Variants in ACOX2 observed in about 807,000 individuals in gnomAD.
The protein encoded by ACOX2 is acyl-CoA oxidase 2, also known as peroxisomal acyl-coenzyme A oxidase 2.
ACOX2 carries 59 observed loss-of-function variants against 77.5 expected under a neutral mutation model. That is an observed-to-expected ratio of 0.76 (90% CI 0.62 to 0.95). The LOEUF (loss-of-function observed/expected upper bound fraction) is 0.95. Among genes scored for constraint, ACOX2 ranks in the 40% least tolerant of loss-of-function variants. The pLI is 0.00. For synonymous variants in ACOX2, 317 were observed against 340.1 expected, an observed-to-expected ratio of 0.93 and a Z score of 0.75; for missense variants, 837 against 880.4, an observed-to-expected ratio of 0.95 and a Z score of 0.62.
At chr3:58,518,075 C>CAAAAAAAAAAAAAAAAAAA (rs763535906) in intron 12 of ACOX2, among the ~76,000 whole-genome samples, 2 of 47,674 alleles carry the variant, frequency 4.2e-5, no homozygotes, top group African/African-American at 1.1e-4. Context: ...AACTCCATCT[C>CAAAAAAAAAAAAAAAAAAA]AAAAAAAAAA....
In ACOX2 at chr3:58,536,260, A is replaced by G. The variant is rs561779946; in HGVS notation, c.-92+859T>C. ...TAGGGACAAGTTCTTATTTGCTTAC[A>G]TGTTCCTCCCACAAGGCCTGGGAGG... On this transcript the variant is annotated intron_variant, in intron 1 of 14. Transcript: ENST00000302819. Among the ~76,000 whole-genome samples, 10 of 152,158 alleles carry G rather than the reference A, an allele frequency of 6.6e-5. No homozygotes were observed. In the South Asian group the frequency reaches 1.7e-3, roughly 25 times the overall value.
In ACOX2 at chr3:58,531,203, G is replaced by T; in HGVS notation, c.819+48C>A. 1 of 1,559,870 alleles carries T rather than the reference G, an allele frequency of 6.4e-7. No homozygotes were observed. The highest frequency in any genetic ancestry group is 8.8e-7 in the Non-Finnish European group (1 of 1,137,994). ...CAGGCCCAGCCTGCACAAAGCGCAG[G>T]TCCCCTCTCCAGGAAGTACAAGTCC... On this transcript the variant is annotated intron_variant, in intron 7 of 14. Coordinates refer to ENST00000302819, the MANE Select transcript of ACOX2 (RefSeq NM_003500.4). The surrounding 1 kb of genome is among the most constrained non-coding windows in gnomAD (Gnocchi z 5.8).
At position 58,522,164 on chromosome 3, in the gene ACOX2, G is replaced by T. The variant is rs915607543; in HGVS notation, c.1632+332C>A. Among the ~76,000 whole-genome samples the T allele has an allele frequency of 1.3e-5, 2 of 152,226 alleles. No homozygotes were observed. The highest frequency in any genetic ancestry group is 2.9e-5 in the Non-Finnish European group (2 of 68,034). Reference sequence around the variant, plus strand: ...TGTGAATTATGCAGAAACACAAAACGAGTGGAAATGGAATCAGACATCCAA... The same window carrying T: ...TGTGAATTATGCAGAAACACAAAACTAGTGGAAATGGAATCAGACATCCAA... On this transcript the variant is annotated intron_variant, in intron 12 of 14. Coordinates refer to ENST00000302819, the MANE Select transcript of ACOX2 (RefSeq NM_003500.4). The surrounding 1 kb of genome is among the most constrained non-coding windows in gnomAD (Gnocchi z 4.3).
Position 58,515,116 on chromosome 3 carries a change from C to T in ACOX2, c.1850+2090G>A, listed in dbSNP as rs776378429. Among the ~76,000 whole-genome samples the T allele has an allele frequency of 6.6e-5, 10 of 152,094 alleles. No homozygotes were observed. The highest frequency in any genetic ancestry group is 1.2e-4 in the African/African-American group (5 of 41,408). On this transcript the variant is annotated intron_variant, in intron 13 of 14. Transcript: ENST00000302819. This position sits in a 1 kb window ranked among gnomAD's most constrained non-coding sequence, Gnocchi z 4.0. ...TTGGCTCACGGCAGCCTCTGCCTCCCGGGTTCAAGCGATTCTGCCTCAGCC... is the reference window on the plus strand; with the variant it reads ...TTGGCTCACGGCAGCCTCTGCCTCCTGGGTTCAAGCGATTCTGCCTCAGCC...
Position 58,532,681 on chromosome 3 carries a change from G to A in ACOX2, c.583+764C>T, listed in dbSNP as rs547945904. On this transcript the variant is annotated intron_variant, in intron 5 of 14. Transcript: ENST00000302819. ...ATTATAGGCATGAGCCACCGCACCCGGCTCATGTCTCTCTCTTATGTCTCT... is the reference window on the plus strand; with the variant it reads ...ATTATAGGCATGAGCCACCGCACCCAGCTCATGTCTCTCTCTTATGTCTCT... Among the ~76,000 whole-genome samples the A allele has an allele frequency of 8.5e-5, 13 of 152,136 alleles. No homozygotes were observed. The South Asian group carries it at 1.9e-3, about 22-fold the overall frequency.
At chr3:58,510,254 G>A (rs62259859) in intron 13 of ACOX2, among the ~76,000 whole-genome samples, 10,838 of 151,950 alleles carry the variant, frequency 0.071, 586 homozygotes, top group Non-Finnish European at 0.1. Flanking sequence ...GAGCCCTACC[G>A]CCAATTTAAT....
At position 58,533,674 on chromosome 3, in the gene ACOX2, G is replaced by T. The variant is rs2063457134; in HGVS notation, c.476-122C>A. 2 of 852,356 alleles carry T rather than the reference G, an allele frequency of 2.3e-6. No homozygotes were observed. The highest frequency in any genetic ancestry group is 3.4e-5 in the African/African-American group (2 of 58,866). 52.8% of individuals were successfully genotyped at this position (852,356 alleles called of 1,614,324 possible). A position where few individuals can be genotyped will look rare whatever the true frequency, so the allele number is the denominator to read the frequency against. Reference sequence around the variant, plus strand: ...AGTATGGAGTGGGGCCCAGCTCCCAGCTGTACTTGCAGGCAGTTCTCCCCT... The same window carrying T: ...AGTATGGAGTGGGGCCCAGCTCCCATCTGTACTTGCAGGCAGTTCTCCCCT... On this transcript the variant is annotated intron_variant, in intron 4 of 14. Coordinates refer to ENST00000302819, the MANE Select transcript of ACOX2 (RefSeq NM_003500.4). This position sits in a 1 kb window ranked among gnomAD's most constrained non-coding sequence, Gnocchi z 5.6.
rs182185584 is a variant in ACOX2 at position 58,528,364 on chromosome 3, A to G, written c.1155+430T>C. ...AAGTGGCATTTAAAGTGCATTTTAT[A>G]TAATAGCCCCAGTGGGGTTTGGGGC... On this transcript the variant is annotated intron_variant, in intron 9 of 14. Coordinates refer to ENST00000302819, the MANE Select transcript of ACOX2 (RefSeq NM_003500.4). This position sits in a 1 kb window ranked among gnomAD's most constrained non-coding sequence, Gnocchi z 5.6. Among the ~76,000 whole-genome samples, 97 of 152,336 alleles carry G rather than the reference A, an allele frequency of 6.4e-4. No homozygotes were observed. The highest frequency in any genetic ancestry group is 2.2e-3 in the African/African-American group (92 of 41,574).
chr3:58,518,937 G>A (rs541007299), intron 12 of ACOX2, among the ~76,000 whole-genome samples: 13 of 150,672 alleles, frequency 8.6e-5, no homozygotes, highest in East Asian at 6.2e-4. Flanking sequence ...TCTGGACCCC[G>A]CCCTGCCTCT....
At chr3:58,532,337 G>A (rs1396943688) in intron 5 of ACOX2, among the ~76,000 whole-genome samples, 1 of 151,442 alleles carries the variant, frequency 6.6e-6, no homozygotes, top group Non-Finnish European at 1.5e-5. Context: ...CTCTCTTTCT[G>A]TCATCACTCT....
intron 12 of ACOX2, among the ~76,000 whole-genome samples, 188 bp from the exon 13 acceptor site, chr3:58,517,611 GT>G (rs111345604): frequency 3.5e-4 from 49 of 141,386 alleles, no homozygotes; most frequent in East Asian, 1.1e-3. Flanking sequence ...ATATGTGTGT[GT>G]TGGGGGGGGG....
In ACOX2 at chr3:58,531,732, C is replaced by G. The variant is rs1260798646; in HGVS notation, c.664G>C (p.Val222Leu). Reference protein sequence around the residue: ...GARRGMHAFIVPIRSLQDHTP... With the variant: ...GARRGMHAFILPIRSLQDHTP... Reference sequence around the variant, plus strand: ...TGGTCCTGAAGACTCCGGATTGGCACAATAAAAGCGTGCATGCCCCGCCTG... The same window carrying G: ...TGGTCCTGAAGACTCCGGATTGGCAGAATAAAAGCGTGCATGCCCCGCCTG... The change falls in exon 6 of 15, where the codon GTG (valine) becomes CTG (leucine). Residue 222 changes from valine to leucine, a missense_variant. By Grantham distance (32) the Val-to-Leu change is conservative. Transcript: ENST00000302819. This position sits in a 1 kb window ranked among gnomAD's most constrained non-coding sequence, Gnocchi z 5.8. The G allele has an allele frequency of 6.2e-7, 1 of 1,614,086 alleles. No homozygotes were observed. The highest frequency in any genetic ancestry group is 1.7e-5 in the Admixed American group (1 of 60,006).
Position 58,531,987 on chromosome 3 carries a change from G to A in ACOX2, c.584-175C>T, listed in dbSNP as rs1577001030. ...GAACCAAGCAAACCTAGCAGCGTTG[G>A]CAAAGGCACTGTGAAATGATCCAGC... is the stretch of plus-strand genomic sequence containing the variant. On this transcript the variant is annotated intron_variant, in intron 5 of 14. Coordinates refer to ENST00000302819, the MANE Select transcript of ACOX2 (RefSeq NM_003500.4). This position sits in a 1 kb window ranked among gnomAD's most constrained non-coding sequence, Gnocchi z 5.8. 6.6e-6 allele frequency among the ~76,000 whole-genome samples: 1 copy of A among 152,166 alleles called. No individual in the cohort carries two copies. Among genetic ancestry groups the A allele is most frequent in the East Asian group, 1.9e-4 (1 of 5,196 alleles).
rs2063468201 is a variant in ACOX2, at chr3:58,534,707, G to T, written c.161-185C>A. 1 of 1,446,598 alleles carries T rather than the reference G, an allele frequency of 6.9e-7. No homozygotes were observed. Among genetic ancestry groups the T allele is most frequent in the Admixed American group, 2.0e-5 (1 of 51,204 alleles). The allele number at this position is 1,446,598 out of a possible 1,614,324, so 89.6% of individuals were successfully genotyped here. On this transcript the variant is annotated intron_variant, in intron 2 of 14. Transcript: ENST00000302819. This position sits in a 1 kb window ranked among gnomAD's most constrained non-coding sequence, Gnocchi z 4.8. Reference sequence around the variant, plus strand: ...CCCAAGGTTACAAAGCTATGCAGTGGCAGAATTTTAGGACCAGAATCCAGG... The same window carrying T: ...CCCAAGGTTACAAAGCTATGCAGTGTCAGAATTTTAGGACCAGAATCCAGG...
chr3:58,523,976 C>A lies in ACOX2; in HGVS notation c.1526+450G>T, dbSNP rs1324544646. 6.6e-6 allele frequency among the ~76,000 whole-genome samples: 1 copy of A among 152,036 alleles called. No homozygotes were observed. Among genetic ancestry groups the A allele is most frequent in the African/African-American group, 2.4e-5 (1 of 41,378 alleles). On this transcript the variant is annotated intron_variant, in intron 11 of 14. Transcript: ENST00000302819. The surrounding 1 kb of genome is among the most constrained non-coding windows in gnomAD (Gnocchi z 5.3). ...CCATGTTCCCTGGAGCCTACTAGAC[C>A]CTGGAAATAAATGAATTCTATCCCG...
In ACOX2 at chr3:58,534,609, C is replaced by G. The variant is rs764576540; in HGVS notation, c.161-87G>C. ...CTTCTCACCCACTTGCTTCATGGAT[C>G]TGGAAAGGAAGTCAGACATTATTGT... is the stretch of plus-strand genomic sequence containing the variant. On this transcript the variant is annotated intron_variant, in intron 2 of 14. Coordinates refer to ENST00000302819, the MANE Select transcript of ACOX2 (RefSeq NM_003500.4). This position sits in a 1 kb window ranked among gnomAD's most constrained non-coding sequence, Gnocchi z 4.8. The G allele has an allele frequency of 6.2e-7, 1 of 1,607,940 alleles. No homozygotes were observed. Among genetic ancestry groups the G allele is most frequent in the Non-Finnish European group, 8.5e-7 (1 of 1,178,312 alleles).
chr3:58,511,998 T>G (rs920881750), intron 13 of ACOX2, among the ~76,000 whole-genome samples: 19 of 152,322 alleles, frequency 1.2e-4, no homozygotes, highest in Non-Finnish European at 2.8e-4. Flanking sequence ...CCTTGTGATG[T>G]TCTTCTCAAG....
chr3:58,511,350 C>G (rs2063286356), intron 13 of ACOX2: 1 of 368,814 alleles, frequency 2.7e-6, no homozygotes, highest in Non-Finnish European at 5.3e-6. Flanking sequence ...GGTGCTGGTC[C>G]TGGCTGGATG....
Position 58,505,629 on chromosome 3 carries a change from A to G in ACOX2, c.1984-343T>C, listed in dbSNP as rs1364758803. Among the ~76,000 whole-genome samples, 1 of 152,226 alleles carries G rather than the reference A, an allele frequency of 6.6e-6. No homozygotes were observed. Among genetic ancestry groups the G allele is most frequent in the Non-Finnish European group, 1.5e-5 (1 of 68,044 alleles). On this transcript the variant is annotated intron_variant, in intron 14 of 14. Coordinates refer to ENST00000302819, the MANE Select transcript of ACOX2 (RefSeq NM_003500.4). The surrounding 1 kb of genome is among the most constrained non-coding windows in gnomAD (Gnocchi z 4.4). ...CAAAGCAAGGAACCAGATAGGGATC[A>G]TATAAGCAGTATTCTAGGTCCGACT...
Sources: gnomAD v4.1 joint callset for allele counts (sites outside exome capture counted in the v4.1 genomes callset) on GRCh38, gnomAD v4.1.1 for gene constraint, Gnocchi (gnomAD v3.1) non-coding constraint, MANE v1.5 for transcripts, NCBI Gene and HGNC (gene_info 2026-07-23, HGNC 2026-07-21) for gene names.